ATMIN: variants seen among roughly 807,000 people sequenced by gnomAD.
ATMIN encodes ATM interactor, also known as ATM INteracting protein.
Under a neutral mutation model 49.2 loss-of-function variants are expected in ATMIN, and 24 were observed. The ratio of observed to expected loss-of-function variants is 0.49; its 90% CI spans 0.35 to 0.69. The LOEUF is 0.69. Ranked by LOEUF, ATMIN falls within the 30% of genes least tolerant of loss-of-function variation. ATMIN has a pLI of 0.00. For missense variants in ATMIN, 1,037 were observed against 1,005.5 expected (o/e 1.03, Z -0.42); for synonymous variants, 450 against 392.5 (o/e 1.15, Z -1.73).
Position 81,045,290 on chromosome 16 carries a change from T to C in ATMIN, c.*320T>C. 3.8e-6 allele frequency: 1 copy of C among 259,838 alleles called. No individual in the cohort carries two copies. Among genetic ancestry groups the C allele is most frequent in the Non-Finnish European group, 7.3e-6 (1 of 137,072 alleles). The allele number at this position is 259,838 out of a possible 1,614,324, so 16.1% of individuals were successfully genotyped here. The stretch of plus-strand genomic sequence containing the variant: ...ATAGCCATTTAGCTGAAGCCCAGCT[T>C]ACCAGGTTCAAGGGTACAAACTTCT... On this transcript the variant is annotated 3_prime_UTR_variant, in exon 4 of 4. Transcript: ENST00000299575.
At chr16:81,041,516 A>T (rs1188617000) in intron 2 of ATMIN, 35 bp downstream of exon 2, 2 of 1,581,158 alleles carry the variant, frequency 1.3e-6, no homozygotes, top group Non-Finnish European at 1.7e-6. Flanking sequence ...TACAGATGCT[A>T]AAAACCTATT....
rs564931570 is a variant in ATMIN, at chr16:81,038,172, C to T, written c.336+1966C>T. Among the ~76,000 whole-genome samples the T allele has an allele frequency of 9.4e-4, 143 of 151,994 alleles. 1 individual carries two copies. The highest frequency in any genetic ancestry group is 3.2e-3 in the African/African-American group (131 of 41,388). ...TTGAGACAGAGTCTCACTCTGTCGCCCAGGCTGGAGTGCAGTGGCGCCATC... is the reference window on the plus strand; with the variant it reads ...TTGAGACAGAGTCTCACTCTGTCGCTCAGGCTGGAGTGCAGTGGCGCCATC... On this transcript the variant is annotated intron_variant, in intron 1 of 3. Coordinates refer to ENST00000299575, the MANE Select transcript of ATMIN (RefSeq NM_015251.3).
intron 1 of ATMIN, among the ~76,000 whole-genome samples, chr16:81,039,282 C>T (rs944455990): frequency 2.0e-5 from 3 of 152,250 alleles, no homozygotes; most frequent in African/African-American, 4.8e-5. Context: ...TGGAAATTTT[C>T]GGTCTTAGTT....
intron 1 of ATMIN, among the ~76,000 whole-genome samples, chr16:81,036,828 G>T (rs1033789563): frequency 5.3e-4 from 80 of 152,172 alleles, no homozygotes; most frequent in African/African-American, 1.8e-3. Context: ...GCTGCACACC[G>T]CACCCCATCA....
chr16:81,044,738 C>T lies in ATMIN; in HGVS notation c.2240C>T (p.Thr747Ile), dbSNP rs151238129. ...DTETQTEGVS[T>I]AKNIPALESK... ...GAGACCCAAACTGAAGGAGTCTCCA[C>T]TGCTAAAAATATACCTGCTCTAGAA... The change falls in exon 4 of 4, where the codon ACT (threonine) becomes ATT (isoleucine). Residue 747 changes from threonine (T) to isoleucine (I), a missense_variant. Physicochemically the swap from Thr to Ile is moderately conservative, Grantham distance 89 (BLOSUM62 -1). Coordinates refer to ENST00000299575, the MANE Select transcript of ATMIN (RefSeq NM_015251.3). 43 of 1,614,214 alleles carry T rather than the reference C, an allele frequency of 2.7e-5. No individual in the cohort carries two copies. In the African/African-American group the frequency reaches 5.5e-4, roughly 21 times the overall value.
Position 81,043,951 on chromosome 16 carries a change from C to G in ATMIN, c.1453C>G (p.Gln485Glu). Residue 485 changes from glutamine (Q) to glutamate (E), a missense_variant, in exon 4 of 4, where the codon CAG (glutamine) becomes GAG (glutamate). Transcript: ENST00000299575. ...TGATGCATTTATGGACACCTGTTTC[C>G]AGTCAGGTGGGGTCTCCAGAGAAAC... The part of the protein sequence containing the change: ...QTDAFMDTCF[Q>E]SGGVSRETQT... 6.2e-7 allele frequency: 1 copy of G among 1,614,196 alleles called. No individual in the cohort carries two copies. The highest frequency in any genetic ancestry group is 8.5e-7 in the Non-Finnish European group (1 of 1,180,040).
chr16:81,036,083 G>C lies in ATMIN; in HGVS notation c.213G>C (p.Pro71=). 7.4e-7 allele frequency: 1 copy of C among 1,345,704 alleles called. No homozygotes were observed. The highest frequency in any genetic ancestry group is 3.0e-5 in the East Asian group (1 of 32,986). The allele number at this position is 1,345,704 out of a possible 1,614,324, so 83.4% of individuals were successfully genotyped here. ...PAPPAGELIQ[P]SVSELSRAVR... ...CGCCGGCGGGGGAGCTGATCCAGCC[G>C]TCGGTGAGCGAGCTGTCCCGGGCCG... The change falls in exon 1 of 4, where the codon CCG becomes CCC. Residue 71 remains proline, a synonymous_variant. Coordinates refer to ENST00000299575, the MANE Select transcript of ATMIN (RefSeq NM_015251.3).
chr16:81,037,636 GTTTT>G, intron 1 of ATMIN: 2 of 521,860 alleles, frequency 3.8e-6, no homozygotes, highest in Non-Finnish European at 4.9e-6. Flanking sequence ...TTGTTTTTGT[GTTTT>G]TTTGTTTGTT....
At position 81,047,218 on chromosome 16, in the gene ATMIN, AAAGAG is replaced by A. The variant is rs1209059565; in HGVS notation, c.*2252_*2256del. 1 of 152,340 alleles carries A rather than the reference AAAGAG, an allele frequency of 6.6e-6. No homozygotes were observed. The highest frequency in any genetic ancestry group is 1.5e-5 in the Non-Finnish European group (1 of 68,038). The allele number at this position is 152,340 out of a possible 1,614,324, so 9.4% of individuals were successfully genotyped here. ...TTGTAAAAACTGAAATTTAATGATT[AAAGAG>A]AAGCCAGAATTGTACCCTTTTTTGT... On this transcript the variant is annotated 3_prime_UTR_variant, in exon 4 of 4. Coordinates refer to ENST00000299575, the MANE Select transcript of ATMIN (RefSeq NM_015251.3).
In ATMIN at chr16:81,047,001, A is replaced by AT. The variant is rs1340794593; in HGVS notation, c.*2034dup. ...TCACTGCCTTAATATTCAAGCATCT[A>AT]TTTAAGTCCTAATAAAGGAGAAATG... On this transcript the variant is annotated 3_prime_UTR_variant, in exon 4 of 4. Transcript: ENST00000299575. 6.6e-6 allele frequency: 1 copy of AT among 152,668 alleles called. No individual in the cohort carries two copies. The highest frequency in any genetic ancestry group is 1.9e-4 in the East Asian group (1 of 5,200). The allele number at this position is 152,668 out of a possible 1,614,324, so 9.5% of individuals were successfully genotyped here. A position where few individuals can be genotyped will look rare whatever the true frequency, so the allele number is the denominator to read the frequency against.
rs745502321 is a variant in ATMIN, at chr16:81,044,586, C to A, written c.2088C>A (p.Gly696=). The A allele has an allele frequency of 2.5e-6, 4 of 1,614,046 alleles. No homozygotes were observed. The East Asian group carries it at 6.7e-5, about 27-fold the overall frequency. The change falls in exon 4 of 4, where the codon GGC becomes GGA. Residue 696 remains glycine, a synonymous_variant. Coordinates refer to ENST00000299575, the MANE Select transcript of ATMIN (RefSeq NM_015251.3). Reference sequence around the variant, plus strand: ...GTAGGGGAAATTCTAACTTCTTAGGCCTTGAGATGTTTGACACACAGACAC... The same window carrying A: ...GTAGGGGAAATTCTAACTTCTTAGGACTTGAGATGTTTGACACACAGACAC... ...YGCRGNSNFL[G]LEMFDTQTQT... is the part of the protein sequence containing the mutation.
In ATMIN at chr16:81,037,333, C is replaced by T. The variant is rs1221732796; in HGVS notation, c.336+1127C>T. 1.1e-5 allele frequency: 11 copies of T among 985,334 alleles called. No individual in the cohort carries two copies. In the African/African-American group the frequency reaches 1.4e-4, roughly 13 times the overall value. 61.0% of individuals were successfully genotyped at this position (985,334 alleles called of 1,614,324 possible). On this transcript the variant is annotated intron_variant, in intron 1 of 3. Transcript: ENST00000299575. ...AGTCAGGCTTCTGATAAGAATTTCA[C>T]AGCAGAAAACTCTGAGGTTGTAGTC...
intron 1 of ATMIN, among the ~76,000 whole-genome samples, chr16:81,036,443 C>G (rs1970935848): frequency 6.6e-6 from 1 of 152,186 alleles, no homozygotes; most frequent in Admixed American, 6.5e-5. Context: ...GCCGTACGCG[C>G]CAGTTCCCTG....
intron 1 of ATMIN, among the ~76,000 whole-genome samples, chr16:81,038,672 T>C (rs1597124002): frequency 6.6e-6 from 1 of 152,310 alleles, no homozygotes; most frequent in East Asian, 1.9e-4. Context: ...AGAAGGCTTT[T>C]CAGGGTCTTG....
At chr16:81,037,863 T>C (rs1392303015) in intron 1 of ATMIN, among the ~76,000 whole-genome samples, 3 of 152,114 alleles carry the variant, frequency 2.0e-5, no homozygotes, top group Admixed American at 6.5e-5. Context: ...GGTCTCGAAC[T>C]CCTGACCCTC....
In ATMIN at chr16:81,041,968, C is replaced by T. The variant is rs141677446; in HGVS notation, c.463-313C>T. Among the ~76,000 whole-genome samples the T allele has an allele frequency of 3.0e-3, 453 of 152,234 alleles. 2 individuals are homozygous for T. The highest frequency in any genetic ancestry group is 0.01 in the African/African-American group (422 of 41,504). ...GTTCCCCTGAGGGTCTGCTGGAGGG[C>T]GTCCTGAGAAGAGCATTGTAAAGAC... On this transcript the variant is annotated intron_variant, in intron 2 of 3. Coordinates refer to ENST00000299575, the MANE Select transcript of ATMIN (RefSeq NM_015251.3).
Position 81,045,115 on chromosome 16 carries a change from C to G in ATMIN, c.*145C>G. The G allele has an allele frequency of 9.1e-7, 1 of 1,100,754 alleles. No individual in the cohort carries two copies. Among genetic ancestry groups the G allele is most frequent in the Non-Finnish European group, 1.3e-6 (1 of 791,806 alleles). The allele number at this position is 1,100,754 out of a possible 1,614,324, so 68.2% of individuals were successfully genotyped here. A position where few individuals can be genotyped will look rare whatever the true frequency, so the allele number is the denominator to read the frequency against. ...TCTTTGTGTTTCTTTGCCTTTTGTACTTGTAAACAGAAATTTGCGTATAAA... is the reference window on the plus strand; with the variant it reads ...TCTTTGTGTTTCTTTGCCTTTTGTAGTTGTAAACAGAAATTTGCGTATAAA... On this transcript the variant is annotated 3_prime_UTR_variant, in exon 4 of 4. Transcript: ENST00000299575.
In ATMIN at chr16:81,035,914, T is replaced by C. The variant is rs939060869; in HGVS notation, c.44T>C (p.Leu15Pro). Residue 15 changes from leucine (L) to proline (P), a missense_variant, in exon 1 of 4, where the codon CTG becomes CCG. Transcript: ENST00000299575. ...GCGGCGGCGGCGGGGTCCGCGGCTC[T>C]GGCGGCGGGTGCCCGGGCCGTCCCG... The part of the protein sequence containing the change: ...EAAAAAGSAA[L>P]AAGARAVPAA... The C allele has an allele frequency of 1.2e-5, 12 of 984,888 alleles. No homozygotes were observed. In the Admixed American group the frequency reaches 2.5e-4, roughly 21 times the overall value. 61.0% of individuals were successfully genotyped at this position (984,888 alleles called of 1,614,324 possible). A position where few individuals can be genotyped will look rare whatever the true frequency, so the allele number is the denominator to read the frequency against.
At chr16:81,037,318 C>T (rs1367060530) in intron 1 of ATMIN, 10 of 985,340 alleles carry the variant, frequency 1.0e-5, no homozygotes, top group Non-Finnish European at 1.2e-5. Context: ...AGTCAGGCTT[C>T]TGATAAGAAT....
Sources: gnomAD v4.1 joint callset for allele counts (sites outside exome capture counted in the v4.1 genomes callset) on GRCh38, gnomAD v4.1.1 for gene constraint, MANE v1.5 for transcripts, NCBI Gene and HGNC (gene_info 2026-07-23, HGNC 2026-07-21) for gene names.